Variants in LRCH3 observed in about 807,000 individuals in gnomAD.
The protein encoded by LRCH3 is leucine rich repeats and calponin homology domain containing 3, also known as DISP complex protein LRCH3.
In LRCH3, 68 loss-of-function variants were observed where a neutral mutation model predicts 104.5. The ratio of observed to expected loss-of-function variants is 0.65; its 90% CI spans 0.54 to 0.80. LRCH3 has a LOEUF of 0.80. Ranked by LOEUF, LRCH3 falls within the 30% of genes least tolerant of loss-of-function variation. The pLI, the probability that LRCH3 is intolerant of heterozygous loss-of-function variation, is 0.00. For synonymous variants in LRCH3, 344 were observed against 361.3 expected, an observed-to-expected ratio of 0.95 and a Z score of 0.54; for missense variants, 951 against 953.9, an observed-to-expected ratio of 1.00 and a Z score of 0.04.
At chr3:197,880,075 A>G (rs924269478) in intron 20 of LRCH3, among the ~76,000 whole-genome samples, 127 of 150,486 alleles carry the variant, frequency 8.4e-4, no homozygotes, top group African/African-American at 2.8e-3. Flanking sequence ...CCTCCCGAGT[A>G]GCTGGGACTA....
chr3:197,793,716 A>G (rs1319295644), intron 1 of LRCH3, among the ~76,000 whole-genome samples: 2 of 152,222 alleles, frequency 1.3e-5, no homozygotes, highest in Non-Finnish European at 2.9e-5. Context: ...CCTACACTTT[A>G]ATAGTTTTGT....
chr3:197,820,499 C>T, intron 4 of LRCH3, 69 bp downstream of exon 4: 1 of 1,100,170 alleles, frequency 9.1e-7, no homozygotes, highest in South Asian at 1.3e-5. Context: ...TCAGACCAAT[C>T]AAGACAAAAA....
rs1731714557 is a variant in LRCH3 at position 197,800,162 on chromosome 3, TACTCC to T, written c.262+8629_262+8633del. Among the ~76,000 whole-genome samples the T allele has an allele frequency of 2.6e-5, 4 of 151,366 alleles. No individual in the cohort carries two copies. The South Asian group carries it at 8.3e-4, about 32-fold the overall frequency. On this transcript the variant is annotated intron_variant, in intron 1 of 20. Transcript: ENST00000425562. ...CAAGATCACGCTGATCGCACCACTA[TACTCC>T]ACTCCAGCCTAGGCGACAGAGTGAG...
chr3:197,816,051 C>G (rs1052566551), intron 2 of LRCH3, among the ~76,000 whole-genome samples: 2 of 152,044 alleles, frequency 1.3e-5, no homozygotes, highest in African/African-American at 4.8e-5. Context: ...TCCAGTTTTT[C>G]ACCATGATAA....
chr3:197,792,159 G>T (rs1730599485), intron 1 of LRCH3, among the ~76,000 whole-genome samples: 1 of 151,752 alleles, frequency 6.6e-6, no homozygotes, highest in Non-Finnish European at 1.5e-5. Context: ...ACGCTGGAAC[G>T]TCTTTCTTCG....
At chr3:197,880,177 C>A (rs942153898) in intron 20 of LRCH3, among the ~76,000 whole-genome samples, 1 of 151,814 alleles carries the variant, frequency 6.6e-6, no homozygotes, top group Admixed American at 6.6e-5. Context: ...GATCTCCTGA[C>A]CTCGTGATCC....
At chr3:197,863,500 C>T (rs1387265910) in intron 15 of LRCH3, among the ~76,000 whole-genome samples, 1 of 152,142 alleles carries the variant, frequency 6.6e-6, no homozygotes, top group East Asian at 1.9e-4. Flanking sequence ...ACCACGTGAT[C>T]CACCCACCTC....
At chr3:197,806,605 A>G (rs2109138670) in intron 1 of LRCH3, among the ~76,000 whole-genome samples, 1 of 151,980 alleles carries the variant, frequency 6.6e-6, no homozygotes, top group South Asian at 2.1e-4. Context: ...AATGCCGGAC[A>G]TGGTGGCTCA....
At chr3:197,795,649 A>T (rs1224738530) in intron 1 of LRCH3, among the ~76,000 whole-genome samples, 1 of 136,834 alleles carries the variant, frequency 7.3e-6, no homozygotes, top group Non-Finnish European at 1.6e-5. Flanking sequence ...GAGCTAATAA[A>T]TTCTTCTTTC....
At chr3:197,791,719 C>T (rs1056719785) in intron 1 of LRCH3, among the ~76,000 whole-genome samples, 179 bp downstream of exon 1, 2 of 151,992 alleles carry the variant, frequency 1.3e-5, no homozygotes, top group Non-Finnish European at 2.9e-5. Context: ...GACCCAGAGC[C>T]TGGGGAGAGG....
At chr3:197,794,434 G>T (rs1730965637) in intron 1 of LRCH3, among the ~76,000 whole-genome samples, 2 of 152,170 alleles carry the variant, frequency 1.3e-5, no homozygotes, top group African/African-American at 4.8e-5. Flanking sequence ...TGTTTTTATG[G>T]CAGGTACTTT....
At chr3:197,824,689 A>C (rs621192) in intron 4 of LRCH3, among the ~76,000 whole-genome samples, 3 of 150,210 alleles carry the variant, frequency 2.0e-5, no homozygotes, top group Non-Finnish European at 4.4e-5. Flanking sequence ...TCTCTGCCTC[A>C]GCCTCCCAAG....
At position 197,810,620 on chromosome 3, in the gene LRCH3, A is replaced by T. The variant is rs1733017469; in HGVS notation, c.263-4288A>T. Among the ~76,000 whole-genome samples, 1 of 152,174 alleles carries T rather than the reference A, an allele frequency of 6.6e-6. No individual in the cohort carries two copies. The highest frequency in any genetic ancestry group is 6.6e-5 in the Admixed American group (1 of 15,262). On this transcript the variant is annotated intron_variant, in intron 1 of 20. Coordinates refer to ENST00000425562, the MANE Select transcript of LRCH3 (RefSeq NM_001365715.1). This position sits in a 1 kb window ranked among gnomAD's most constrained non-coding sequence, Gnocchi z 4.0. ...TATTATCTCGGGTTTTTAGTTATAA[A>T]TTAAAATTTTACATAATTTTAGAGA...
At chr3:197,802,569 G>A (rs1358175641) in intron 1 of LRCH3, among the ~76,000 whole-genome samples, 2 of 152,130 alleles carry the variant, frequency 1.3e-5, no homozygotes, top group Non-Finnish European at 1.5e-5. Flanking sequence ...TTTTTTAAGA[G>A]TTCGAGAAGG....
intron 1 of LRCH3, among the ~76,000 whole-genome samples, chr3:197,814,415 T>C (rs1733579464): frequency 6.6e-6 from 1 of 152,228 alleles, no homozygotes; most frequent in Non-Finnish European, 1.5e-5. Flanking sequence ...GAGACTTGAA[T>C]GGGGACACAG....
rs1022711603 is a variant in LRCH3, at chr3:197,797,228, C to T, written c.262+5688C>T. Among the ~76,000 whole-genome samples the T allele has an allele frequency of 3.1e-4, 46 of 146,916 alleles. 1 individual carries two copies. Among genetic ancestry groups the T allele is most frequent in the Non-Finnish European group, 1.8e-4 (12 of 67,482 alleles). On this transcript the variant is annotated intron_variant, in intron 1 of 20. Coordinates refer to ENST00000425562, the MANE Select transcript of LRCH3 (RefSeq NM_001365715.1). ...GCTGTAATCGCAGCTACTTGGGAGG[C>T]TGAGGCAGGAGAATTTCTTGAACCC...
chr3:197,817,199 C>T lies in LRCH3; in HGVS notation c.431C>T (p.Pro144Leu), dbSNP rs779493256. 13 of 1,601,018 alleles carry T rather than the reference C, an allele frequency of 8.1e-6. No homozygotes were observed. The highest frequency in any genetic ancestry group is 6.9e-5 in the Admixed American group (4 of 58,206). Residue 144 changes from proline to leucine, a missense_variant, in exon 3 of 21, where the codon CCG becomes CTG. Coordinates refer to ENST00000425562, the MANE Select transcript of LRCH3 (RefSeq NM_001365715.1). The stretch of plus-strand genomic sequence containing the variant: ...AGTCGGAACCAACTGTCAACATTGC[C>T]GGTACACTTGTGTAATTTGCCATTG... ...NISRNQLSTL[P>L]VHLCNLPLKV...
chr3:197,797,869 A>C (rs201997075), intron 1 of LRCH3, among the ~76,000 whole-genome samples: 69 of 14,244 alleles, frequency 4.8e-3, no homozygotes, highest in Admixed American at 0.046. Flanking sequence ...CAAAAAAAAA[A>C]AAAACAAAAA....
At position 197,823,714 on chromosome 3, in the gene LRCH3, A is replaced by T. The variant is rs910395921; in HGVS notation, c.641-3164A>T. Among the ~76,000 whole-genome samples, 7 of 150,722 alleles carry T rather than the reference A, an allele frequency of 4.6e-5. 1 individual carries two copies. The highest frequency in any genetic ancestry group is 1.5e-5 in the Non-Finnish European group (1 of 67,682). Reference sequence around the variant, plus strand: ...CATGTTCCCCTGGCTGGTCTCCTGGACTCAAGCAATCCACCCACCTCAGCC... The same window carrying T: ...CATGTTCCCCTGGCTGGTCTCCTGGTCTCAAGCAATCCACCCACCTCAGCC... On this transcript the variant is annotated intron_variant, in intron 4 of 20. Coordinates refer to ENST00000425562, the MANE Select transcript of LRCH3 (RefSeq NM_001365715.1).
Sources: allele counts gnomAD v4.1 joint callset (sites outside exome capture counted in the v4.1 genomes callset), GRCh38; gene constraint gnomAD v4.1.1; non-coding constraint Gnocchi (gnomAD v3.1); transcripts MANE v1.5; gene names NCBI Gene and HGNC (gene_info 2026-07-23, HGNC 2026-07-21).